The following OCM2 variants were observed in gnomAD, a reference collection of about 807,000 sequenced individuals.
The protein encoded by OCM2 is oncomodulin 2.
In OCM2, 6 loss-of-function variants were observed where a neutral mutation model predicts 13.6. That is an observed-to-expected ratio of 0.44 (90% CI 0.24 to 0.87). The LOEUF is 0.87. OCM2 is among the 40% of genes least tolerant of loss of function. The probability of loss-of-function intolerance (pLI) is 0.22; values close to 1 mark genes in which losing one functional copy is unlikely to be tolerated. For missense variants in OCM2, 118 were observed against 136.8 expected, an observed-to-expected ratio of 0.86 and a Z score of 0.68; for synonymous variants, 40 against 50.7, an observed-to-expected ratio of 0.79 and a Z score of 0.90.
intron 3 of OCM2, among the ~76,000 whole-genome samples, chr7:97,985,917 T>G (rs1794667038): frequency 6.6e-6 from 1 of 152,174 alleles, no homozygotes; most frequent in South Asian, 2.1e-4. Flanking sequence ...TGTTTATCTT[T>G]TTTTTTTCTT....
At position 97,985,070 on chromosome 7, in the gene OCM2, G is replaced by A. The variant is rs550364916; in HGVS notation, c.305-87C>T. 143 of 1,577,510 alleles carry A rather than the reference G, an allele frequency of 9.1e-5. No individual in the cohort carries two copies. The African/African-American group carries it at 1.8e-3, about 19-fold the overall frequency. ...GTGGCCAGTGAGAATTCCAAAGAGGGAAGGAAGCAAAGAAAATTGTCAGAT... is the reference window on the plus strand; with the variant it reads ...GTGGCCAGTGAGAATTCCAAAGAGGAAAGGAAGCAAAGAAAATTGTCAGAT... On this transcript the variant is annotated intron_variant, in intron 3 of 3. Coordinates refer to ENST00000257627, the Ensembl canonical transcript of OCM2.
At chr7:97,986,440 C>T (rs1339731411) in intron 3 of OCM2, among the ~76,000 whole-genome samples, 1 of 152,052 alleles carries the variant, frequency 6.6e-6, no homozygotes, top group Admixed American at 6.6e-5. Flanking sequence ...AGCATGCTAG[C>T]AACATGACAA....
intron 2 of OCM2, 54 bp downstream of exon 2, chr7:97,988,362 C>A (rs529516068): frequency 2.0e-4 from 320 of 1,609,396 alleles, no homozygotes; most frequent in Non-Finnish European, 2.6e-4. Context: ...CCCCACTGCA[C>A]CCCAGGCCCA....
At chr7:97,985,681 C>T (rs1454554444) in intron 3 of OCM2, among the ~76,000 whole-genome samples, 1 of 152,044 alleles carries the variant, frequency 6.6e-6, no homozygotes, top group East Asian at 1.9e-4. Flanking sequence ...GGGAGATTTT[C>T]TTTCTCTATT....
rs369085243 is a variant in OCM2, at chr7:97,988,561, G to T, written c.62-13C>A. 35 of 1,614,044 alleles carry T rather than the reference G, an allele frequency of 2.2e-5. No homozygotes were observed. The African/African-American group carries it at 4.4e-4, about 20-fold the overall frequency. The stretch of plus-strand genomic sequence containing the variant: ...AAAGTGTCTGGGTCTGAAGAACAGA[G>T]AATGGGTTATTCTGACACTCATTGG... On this transcript the variant is annotated splice_polypyrimidine_tract_variant and intron_variant, in intron 1 of 3. Coordinates refer to ENST00000257627, the Ensembl canonical transcript of OCM2.
intron 1 of OCM2, among the ~76,000 whole-genome samples, chr7:97,989,378 C>CTTATTTATTTAT (rs1358240592): frequency 5.5e-5 from 7 of 126,972 alleles, no homozygotes; most frequent in South Asian, 3.0e-4. Context: ...CAGCCAAGCT[C>CTTATTTATTTAT]TTATTTACTT....
intron 3 of OCM2, among the ~76,000 whole-genome samples, chr7:97,985,459 A>G (rs186760889): frequency 6.8e-4 from 97 of 143,538 alleles, no homozygotes; most frequent in African/African-American, 8.5e-4. Context: ...AAGAAAGAAA[A>G]AAACCCTGGG....
At chr7:97,989,463 G>T (rs974361200) in intron 1 of OCM2, among the ~76,000 whole-genome samples, 1 of 151,458 alleles carries the variant, frequency 6.6e-6, no homozygotes, top group Non-Finnish European at 1.5e-5. Flanking sequence ...GCAGTGTAGC[G>T]ATCATAGCTC....
At chr7:97,987,502 T>C (rs1047003786) in intron 2 of OCM2, among the ~76,000 whole-genome samples, 4 of 151,756 alleles carry the variant, frequency 2.6e-5, no homozygotes, top group Admixed American at 2.6e-4. Context: ...CACCCCCCCA[T>C]GCCCCACTAA....
At chr7:97,985,837 A>G (rs1376152268) in intron 3 of OCM2, among the ~76,000 whole-genome samples, 1 of 152,200 alleles carries the variant, frequency 6.6e-6, no homozygotes, top group Non-Finnish European at 1.5e-5. Context: ...TTACAGATTG[A>G]TATAAAAAAC....
chr7:97,988,802 G>T (rs754267269), intron 1 of OCM2, among the ~76,000 whole-genome samples: 1 of 151,544 alleles, frequency 6.6e-6, no homozygotes, highest in Non-Finnish European at 1.5e-5. Context: ...TCTCCTCTGT[G>T]CCTCCCCCTC....
At chr7:97,986,322 GT>G (rs35914899) in intron 3 of OCM2, among the ~76,000 whole-genome samples, 26 of 150,312 alleles carry the variant, frequency 1.7e-4, no homozygotes, top group East Asian at 1.2e-3. Flanking sequence ...TTTTGAACAG[GT>G]TTTTTTTTTA....
At chr7:97,985,994 C>A (rs755511335) in intron 3 of OCM2, among the ~76,000 whole-genome samples, 2 of 152,164 alleles carry the variant, frequency 1.3e-5, no homozygotes, top group African/African-American at 4.8e-5. Flanking sequence ...CTCACTGCAA[C>A]CTCTGCCTCC....
intron 1 of OCM2, among the ~76,000 whole-genome samples, chr7:97,988,913 C>T (rs146410047): frequency 0.015 from 2,278 of 148,842 alleles, 43 homozygotes; most frequent in East Asian, 0.11. Context: ...GCTAAATGGC[C>T]TTTGGCGATT....
chr7:97,988,485 C>G (rs775138711), exon 2 of OCM2: 4 of 1,614,184 alleles, frequency 2.5e-6, no homozygotes, highest in Admixed American at 1.7e-5. Flanking sequence ...CTTCACCTGA[C>G]TGGCTGACAT....
rs200557951 is a variant in OCM2, at chr7:97,987,082, G to A, written c.269C>T (p.Ala90Val). 4.5e-5 allele frequency: 73 copies of A among 1,613,616 alleles called. No homozygotes were observed. The East Asian group carries it at 7.8e-4, about 17-fold the overall frequency. The change falls in exon 3 of 4, where the codon GCG becomes GTG. Residue 90 changes from alanine (A) to valine (V), a missense_variant. Ala to Val is a moderately conservative substitution (Grantham distance 64). Transcript: ENST00000257627. The stretch of plus-strand genomic sequence containing the variant: ...AATTTTCCCATCTCCATCATTATCC[G>A]CCGCAGCCATCAAGGACTTGGTTTC...
intron 1 of OCM2, among the ~76,000 whole-genome samples, chr7:97,989,712 A>ATT (rs1344192037): frequency 3.7e-5 from 5 of 136,646 alleles, no homozygotes; most frequent in African/African-American, 5.4e-5. Context: ...CCTGGTCTAC[A>ATT]TTTTTTTTTT....
chr7:97,985,695 T>C (rs1385370420), intron 3 of OCM2, among the ~76,000 whole-genome samples: 1 of 152,174 alleles, frequency 6.6e-6, no homozygotes, highest in African/African-American at 2.4e-5. Context: ...CTCTATTCTG[T>C]AGCTGGGTAT....
chr7:97,985,431 A>AAAAAGAAAGAAAG (rs757682710), intron 3 of OCM2, among the ~76,000 whole-genome samples: 130 of 131,540 alleles, frequency 9.9e-4, no homozygotes, highest in South Asian at 1.5e-3. Flanking sequence ...AAAAAAAAAA[A>AAAAAGAAAGAAAG]AAAGAAAGAA....
Sources: allele counts gnomAD v4.1 joint callset (sites outside exome capture counted in the v4.1 genomes callset), GRCh38; gene constraint gnomAD v4.1.1; transcripts MANE v1.5; gene names NCBI Gene and HGNC (gene_info 2026-07-23, HGNC 2026-07-21).